The following CEP112 variants were observed in gnomAD, a reference collection of about 807,000 sequenced individuals.
CEP112 encodes centrosomal protein 112.
Under a neutral mutation model 153.0 loss-of-function variants are expected in CEP112, and 127 were observed. The ratio of observed to expected loss-of-function variants is 0.83; its 90% CI spans 0.72 to 0.96. The LOEUF is 0.96. Among genes scored for constraint, CEP112 ranks in the 40% least tolerant of loss-of-function variants. The pLI, the probability that CEP112 is intolerant of heterozygous loss-of-function variation, is 0.00. For missense variants in CEP112, 1,089 were observed against 1,101.2 expected (o/e 0.99, Z 0.16); for synonymous variants, 358 against 374.4 (o/e 0.96, Z 0.51).
intron 10 of CEP112, among the ~76,000 whole-genome samples, chr17:66,065,644 T>C (rs112186573): frequency 6.6e-6 from 1 of 151,778 alleles, no homozygotes; most frequent in Non-Finnish European, 1.5e-5. Flanking sequence ...TTTTTTTTTT[T>C]TCTGAGACGG....
intron 21 of CEP112, among the ~76,000 whole-genome samples, chr17:65,760,652 AT>A (rs1254316795): frequency 3.3e-5 from 5 of 152,042 alleles, no homozygotes; most frequent in Non-Finnish European, 5.9e-5. Context: ...GTTTGCTAAT[AT>A]TTTGTTAAAG....
At chr17:65,907,868 T>G (rs940519438) in intron 19 of CEP112, among the ~76,000 whole-genome samples, 2 of 152,236 alleles carry the variant, frequency 1.3e-5, no homozygotes. Context: ...TAGCACATCT[T>G]CTTCATGTTG....
intron 23 of CEP112, among the ~76,000 whole-genome samples, chr17:65,720,744 T>C (rs767511195): frequency 1.2e-4 from 19 of 152,210 alleles, no homozygotes; most frequent in Non-Finnish European, 2.6e-4. Context: ...TTTCAGTAAT[T>C]TAACAGTTAC....
At chr17:65,964,640 G>C (rs2062342661) in intron 17 of CEP112, among the ~76,000 whole-genome samples, 1 of 152,156 alleles carries the variant, frequency 6.6e-6, no homozygotes, top group Non-Finnish European at 1.5e-5. Flanking sequence ...GGGGCTGCCT[G>C]GAATGTACTA....
At chr17:65,688,872 A>G in intron 24 of CEP112, 1 of 308,666 alleles carries the variant, frequency 3.2e-6, no homozygotes, top group Non-Finnish European at 6.0e-6. Flanking sequence ...GGTTCAAGTA[A>G]TTCCCCTGCC....
chr17:66,099,943 C>T (rs4791086), intron 6 of CEP112, among the ~76,000 whole-genome samples: 61,598 of 151,796 alleles, frequency 0.41, 13,847 homozygotes, highest in East Asian at 0.87. Flanking sequence ...TTTTGTTCCA[C>T]CACCACTAGG....
At chr17:66,188,286 AACACACAC>A (rs59802008) in intron 1 of CEP112, among the ~76,000 whole-genome samples, 9,128 of 109,404 alleles carry the variant, frequency 0.083, 313 homozygotes, top group African/African-American at 0.11. Flanking sequence ...CACACACACA[AACACACAC>A]ACACACACAC....
intron 4 of CEP112, among the ~76,000 whole-genome samples, chr17:66,133,499 T>G (rs1189428553): frequency 6.6e-6 from 1 of 152,192 alleles, no homozygotes; most frequent in Admixed American, 6.5e-5. Flanking sequence ...AAATGTGAAA[T>G]GCAGAGTAAG....
intron 4 of CEP112, among the ~76,000 whole-genome samples, chr17:66,145,801 T>G (rs76593652): frequency 6.6e-6 from 1 of 152,088 alleles, no homozygotes; most frequent in South Asian, 2.1e-4. Context: ...TCATTCCTCA[T>G]GGATAATGAA....
intron 21 of CEP112, among the ~76,000 whole-genome samples, chr17:65,809,584 C>T (rs1307604359): frequency 5.9e-5 from 9 of 151,700 alleles, no homozygotes; most frequent in South Asian, 4.2e-4. Flanking sequence ...AGAATGTAGG[C>T]GTGAAAGAAA....
chr17:65,749,465 A>G (rs1025620611), intron 22 of CEP112, among the ~76,000 whole-genome samples: 3 of 151,950 alleles, frequency 2.0e-5, no homozygotes, highest in South Asian at 2.1e-4. Context: ...CCGAGATTGC[A>G]CCACTGCACT....
intron 23 of CEP112, among the ~76,000 whole-genome samples, chr17:65,726,338 CA>C (rs143814581): frequency 0.012 from 1,858 of 148,858 alleles, 19 homozygotes; most frequent in African/African-American, 0.025. Flanking sequence ...GACTCCATCT[CA>C]AAAAAAAAAT....
intron 2 of CEP112, among the ~76,000 whole-genome samples, chr17:66,177,350 G>A (rs146521881): frequency 8.9e-4 from 135 of 152,242 alleles, no homozygotes; most frequent in African/African-American, 3.2e-3. Flanking sequence ...CACTTTATTA[G>A]GTAATTGGTA....
chr17:65,712,732 G>T (rs1376624377), intron 23 of CEP112, among the ~76,000 whole-genome samples: 1 of 152,126 alleles, frequency 6.6e-6, no homozygotes. Context: ...AAGTAAGTTG[G>T]GTTAGAACTG....
At chr17:65,920,398 TATATATAATTATAA>T (rs2060673605) in intron 19 of CEP112, among the ~76,000 whole-genome samples, 2 of 110,690 alleles carry the variant, frequency 1.8e-5, no homozygotes, top group African/African-American at 7.1e-5. Flanking sequence ...TATATATATA[TATATATAATTATAA>T]TATATAATAT....
intron 23 of CEP112, among the ~76,000 whole-genome samples, chr17:65,724,833 G>T (rs982269819): frequency 6.6e-6 from 1 of 152,222 alleles, no homozygotes; most frequent in East Asian, 1.9e-4. Flanking sequence ...GGTAATTCTT[G>T]CCATTTCAGT....
intron 21 of CEP112, among the ~76,000 whole-genome samples, chr17:65,823,548 G>A (rs1396805748): frequency 2.6e-5 from 4 of 152,128 alleles, no homozygotes; most frequent in Non-Finnish European, 5.9e-5. Context: ...ACCTGAAACT[G>A]TAAAATTCTA....
At chr17:65,763,211 T>C (rs1385069962) in intron 21 of CEP112, among the ~76,000 whole-genome samples, 4 of 152,050 alleles carry the variant, frequency 2.6e-5, no homozygotes, top group Non-Finnish European at 1.5e-5. Flanking sequence ...GTTTTTCTTT[T>C]CCCTCTGGCA....
intron 18 of CEP112, among the ~76,000 whole-genome samples, chr17:65,953,782 C>T (rs1227844427): frequency 2.0e-5 from 3 of 152,142 alleles, no homozygotes; most frequent in African/African-American, 7.2e-5. Context: ...CACTCCCATC[C>T]CCCGCAGCAG....
Sources: gnomAD v4.1 joint callset for allele counts (sites outside exome capture counted in the v4.1 genomes callset) on GRCh38, gnomAD v4.1.1 for gene constraint, MANE v1.5 for transcripts, NCBI Gene and HGNC (gene_info 2026-07-23, HGNC 2026-07-21) for gene names.